Variants in WDR64 observed in about 807,000 individuals in gnomAD.
The protein encoded by WDR64 is WD repeat domain 64.
WDR64 carries 112 observed loss-of-function variants against 139.3 expected under a neutral mutation model. The ratio of observed to expected loss-of-function variants is 0.80; its 90% CI spans 0.69 to 0.94. WDR64 has a LOEUF of 0.94. WDR64 is among the 40% of genes least tolerant of loss of function. The pLI is 0.00. For synonymous variants in WDR64, 444 were observed against 437.7 expected (o/e 1.01, Z -0.18); for missense variants, 1,206 against 1,293.1 (o/e 0.93, Z 1.03).
rs771990172 is a variant in WDR64 at position 241,738,367 on chromosome 1, T to C, written c.1199T>C (p.Phe400Ser). ...HVVSLSSAKV[F>S]RVWDIQTLSL... ...CTGTGTTTGTTATTCTTCCAGGTTT[T>C]CCGGGTGTGGGATATACAAACTCTT... The change falls in exon 11 of 28, where the codon TTC becomes TCC. Residue 400 changes from phenylalanine to serine, a missense_variant. Physicochemically the swap from Phe to Ser is radical, Grantham distance 155. Transcript: ENST00000437684. 1.2e-6 allele frequency: 2 copies of C among 1,612,454 alleles called. No individual in the cohort carries two copies. Among genetic ancestry groups the C allele is most frequent in the Non-Finnish European group, 1.7e-6 (2 of 1,179,552 alleles).
At chr1:241,767,647 T>C (rs72770241) in intron 16 of WDR64, among the ~76,000 whole-genome samples, 22,282 of 152,096 alleles carry the variant, frequency 0.15, 2,046 homozygotes, top group Middle Eastern at 0.3. Flanking sequence ...ACAAAAGAAA[T>C]GTCTGCCTCT....
rs1659209511 is a variant in WDR64, at chr1:241,791,329, C to G, written c.2997+633C>G. Among the ~76,000 whole-genome samples the G allele has an allele frequency of 2.0e-5, 3 of 152,240 alleles. No individual in the cohort carries two copies. In the South Asian group the frequency reaches 6.2e-4, roughly 32 times the overall value. On this transcript the variant is annotated intron_variant, in intron 25 of 27. Transcript: ENST00000437684. ...GCCAGAAATTTGTCCCCTCTCTGAC[C>G]ATGTGGTCACACAGCCCTCTGACCC...
At chr1:241,780,497 A>C (rs1658805937) in intron 22 of WDR64, among the ~76,000 whole-genome samples, 1 of 152,148 alleles carries the variant, frequency 6.6e-6, no homozygotes. Flanking sequence ...ATTAAAGCAC[A>C]TTTTATTCTA....
intron 16 of WDR64, among the ~76,000 whole-genome samples, chr1:241,767,715 G>A (rs189566440): frequency 8.7e-4 from 94 of 108,582 alleles, no homozygotes; most frequent in Admixed American, 1.5e-3. Context: ...CCAAGCCTGA[G>A]TCATTTCTTT....
At chr1:241,774,832 A>G (rs376791209) in intron 20 of WDR64, among the ~76,000 whole-genome samples, 1 of 152,338 alleles carries the variant, frequency 6.6e-6, no homozygotes, top group Admixed American at 6.5e-5. Flanking sequence ...GGGATATGCA[A>G]AAACAATCCC....
At position 241,680,219 on chromosome 1, in the gene WDR64, A is replaced by T. The variant is rs77399215; in HGVS notation, c.624+624A>T. Among the ~76,000 whole-genome samples the T allele has an allele frequency of 2.5e-3, 387 of 152,320 alleles. 1 individual carries two copies. Among genetic ancestry groups the T allele is most frequent in the African/African-American group, 8.9e-3 (368 of 41,558 alleles). ...CACTGAGCACCGAGGTTATTTAAAAATGTCTTCAGGAAGCAGACTGACTTT... is the reference window on the plus strand; with the variant it reads ...CACTGAGCACCGAGGTTATTTAAAATTGTCTTCAGGAAGCAGACTGACTTT... On this transcript the variant is annotated intron_variant, in intron 6 of 27. Transcript: ENST00000437684.
At chr1:241,801,060 C>A in intron 27 of WDR64, 72 bp from the exon 28 acceptor site, 2 of 1,254,878 alleles carry the variant, frequency 1.6e-6, no homozygotes, top group Non-Finnish European at 2.3e-6. Flanking sequence ...ATTAGCAATA[C>A]ACCTTGACTC....
chr1:241,725,892 G>A (rs1668813299), intron 10 of WDR64, among the ~76,000 whole-genome samples: 1 of 152,040 alleles, frequency 6.6e-6, no homozygotes, highest in Non-Finnish European at 1.5e-5. Context: ...CAATGGCATG[G>A]TGCAATGGGG....
intron 10 of WDR64, among the ~76,000 whole-genome samples, chr1:241,723,883 C>G (rs535994525): frequency 6.6e-6 from 1 of 152,052 alleles, no homozygotes; most frequent in East Asian, 1.9e-4. Flanking sequence ...TCAATACAAT[C>G]AACTTTCAGT....
intron 13 of WDR64, among the ~76,000 whole-genome samples, chr1:241,746,240 C>T (rs1299459230): frequency 2.0e-5 from 3 of 151,728 alleles, no homozygotes; most frequent in East Asian, 1.9e-4. Context: ...GAGCAGGATT[C>T]GAGCTGAGGG....
At chr1:241,744,639 A>T in intron 13 of WDR64, 123 bp downstream of exon 13, 1 of 1,316,944 alleles carries the variant, frequency 7.6e-7, no homozygotes, top group Non-Finnish European at 1.0e-6. Context: ...TCTGGGTGCC[A>T]GTGAAATTCC....
intron 6 of WDR64, among the ~76,000 whole-genome samples, chr1:241,682,503 AG>A (rs35892226): frequency 0.072 from 10,896 of 152,290 alleles, 534 homozygotes; most frequent in East Asian, 0.25. Flanking sequence ...TTTTTATACC[AG>A]TACCATGCTA....
At chr1:241,716,774 T>G (rs1446428591) in intron 9 of WDR64, among the ~76,000 whole-genome samples, 1 of 152,114 alleles carries the variant, frequency 6.6e-6, no homozygotes, top group Admixed American at 6.6e-5. Context: ...CCACCACATA[T>G]GATTCCATTC....
chr1:241,761,466 ATTTG>A (rs1414717642), intron 15 of WDR64, among the ~76,000 whole-genome samples: 1 of 149,558 alleles, frequency 6.7e-6, no homozygotes, highest in Non-Finnish European at 1.5e-5. Flanking sequence ...CATATGGACT[ATTTG>A]TTCATATTTT....
chr1:241,666,653 T>A (rs1336659122), intron 2 of WDR64, among the ~76,000 whole-genome samples: 1 of 152,198 alleles, frequency 6.6e-6, no homozygotes, highest in Admixed American at 6.5e-5. Context: ...GATACTTGAA[T>A]TCTGTTTCCT....
At position 241,744,308 on chromosome 1, in the gene WDR64, G is replaced by A. The variant is rs1669663356; in HGVS notation, c.1471-85G>A. On this transcript the variant is annotated intron_variant, in intron 12 of 27. Coordinates refer to ENST00000437684, the MANE Select transcript of WDR64 (RefSeq NM_001367482.1). Reference sequence around the variant, plus strand: ...TAGATGTACAGAGTTCCATTTTTGAGGCTGTTTTGAATATGGTGTAATTCT... The same window carrying A: ...TAGATGTACAGAGTTCCATTTTTGAAGCTGTTTTGAATATGGTGTAATTCT... 9 of 1,536,264 alleles carry A rather than the reference G, an allele frequency of 5.9e-6. No homozygotes were observed. In the South Asian group the frequency reaches 1.1e-4, roughly 19 times the overall value.
intron 8 of WDR64, among the ~76,000 whole-genome samples, chr1:241,695,441 C>T (rs1210845718): frequency 1.3e-5 from 2 of 152,150 alleles, no homozygotes; most frequent in African/African-American, 4.8e-5. Flanking sequence ...ACCCTGCTTT[C>T]CCTGGCTGCA....
In WDR64 at chr1:241,736,415, T is replaced by TAAAAAAAAAA. The variant is rs59588872; in HGVS notation, c.1195-1939_1195-1930dup. ...CTTTAGTTCTCTTTATGGAAGAGTTTAAAAAAAAAAAAAAAAAAGAGTAGG... is the reference window on the plus strand; with the variant it reads ...CTTTAGTTCTCTTTATGGAAGAGTTTAAAAAAAAAAAAAAAAAAAAAAAAAAAAGAGTAGG... On this transcript the variant is annotated intron_variant, in intron 10 of 27. Transcript: ENST00000437684. 1.6e-4 allele frequency among the ~76,000 whole-genome samples: 21 copies of TAAAAAAAAAA among 134,644 alleles called. 2 individuals are homozygous for TAAAAAAAAAA. Among genetic ancestry groups the TAAAAAAAAAA allele is most frequent in the African/African-American group, 5.9e-4 (21 of 35,466 alleles). 88.3% of individuals were successfully genotyped at this position (134,644 alleles called of 152,430 possible).
chr1:241,678,657 G>A (rs1169584897), intron 5 of WDR64, among the ~76,000 whole-genome samples: 6 of 151,904 alleles, frequency 3.9e-5, no homozygotes, highest in Admixed American at 6.6e-5. Flanking sequence ...ATCATTAATC[G>A]GAATAGTAAT....
Sources: allele counts gnomAD v4.1 joint callset (sites outside exome capture counted in the v4.1 genomes callset), GRCh38; gene constraint gnomAD v4.1.1; transcripts MANE v1.5; gene names NCBI Gene and HGNC (gene_info 2026-07-23, HGNC 2026-07-21).